Variants in PEX1 observed in about 807,000 individuals in gnomAD.
PEX1 encodes peroxisomal ATPase PEX1.
In PEX1, 97 loss-of-function variants were observed where a neutral mutation model predicts 152.5. The ratio of observed to expected loss-of-function variants is 0.64; its 90% CI spans 0.54 to 0.75. The LOEUF is 0.75. PEX1 is among the 30% of genes least tolerant of loss of function. The pLI is 0.00. For synonymous variants in PEX1, 485 were observed against 531.6 expected, an observed-to-expected ratio of 0.91 and a Z score of 1.21; for missense variants, 1,357 against 1,516.3, an observed-to-expected ratio of 0.89 and a Z score of 1.74.
At chr7:92,496,662 G>A (rs1247521263) in intron 17 of PEX1, 51 bp downstream of exon 17, 2 of 1,195,858 alleles carry the variant, frequency 1.7e-6, no homozygotes, top group Non-Finnish European at 2.5e-6. Context: ...AGCACTGATT[G>A]ATAAATAATA....
At chr7:92,527,311 A>T (rs932978161) in intron 1 of PEX1, among the ~76,000 whole-genome samples, 2 of 152,224 alleles carry the variant, frequency 1.3e-5, no homozygotes, top group African/African-American at 4.8e-5. Flanking sequence ...AAGCTGACAG[A>T]GCACTGAACC....
chr7:92,501,637 A>G lies in PEX1; in HGVS notation c.2453T>C (p.Leu818Pro). The stretch of plus-strand genomic sequence containing the variant: ...CAAAGACGCAGGAAGAAATCCGCGG[A>G]GAGCCTTTTGGAAGTCCAATGTTGT... The part of the protein sequence containing the change: ...VLTTLDFQKA[L>P]RGFLPASLRS... Residue 818 changes from leucine (L) to proline (P), a missense_variant, in exon 15 of 24, where the codon CTC becomes CCC. Leu to Pro is a moderately conservative substitution (Grantham distance 98). Coordinates refer to ENST00000248633, the MANE Select transcript of PEX1 (RefSeq NM_000466.3). The G allele has an allele frequency of 6.2e-7, 1 of 1,614,062 alleles. No individual in the cohort carries two copies. The highest frequency in any genetic ancestry group is 8.5e-7 in the Non-Finnish European group (1 of 1,179,904).
intron 15 of PEX1, among the ~76,000 whole-genome samples, chr7:92,501,215 T>C (rs62466060): frequency 6.6e-6 from 1 of 152,170 alleles, no homozygotes; most frequent in South Asian, 2.1e-4. Context: ...TTCTAGCTAC[T>C]GGGGAGGCTG....
chr7:92,499,818 G>T lies in PEX1; in HGVS notation c.2604C>A (p.Asn868Lys). ...TTCCTGTTCTTTGTCGTATGGGCAA[G>T]TTTGCAAATAATTCTGGATACTGAG... Reference protein sequence around the residue: ...LPAKYPELFANLPIRQRTGIL... With the variant: ...LPAKYPELFAKLPIRQRTGIL... The change falls in exon 16 of 24, where the codon AAC becomes AAA. Residue 868 changes from asparagine to lysine, a missense_variant. Asn to Lys is a moderately conservative substitution (Grantham distance 94). Coordinates refer to ENST00000248633, the MANE Select transcript of PEX1 (RefSeq NM_000466.3). The T allele has an allele frequency of 6.2e-7, 1 of 1,604,696 alleles. No individual in the cohort carries two copies. Among genetic ancestry groups the T allele is most frequent in the Non-Finnish European group, 8.5e-7 (1 of 1,174,256 alleles).
chr7:92,520,235 C>T (rs947047169), intron 2 of PEX1, among the ~76,000 whole-genome samples: 3 of 152,200 alleles, frequency 2.0e-5, no homozygotes, highest in Admixed American at 6.5e-5. Context: ...GAGGGCAGAA[C>T]TGTAACCTGC....
chr7:92,508,540 A>G (rs1192778796), intron 9 of PEX1, among the ~76,000 whole-genome samples: 1 of 151,730 alleles, frequency 6.6e-6, no homozygotes, highest in Non-Finnish European at 1.5e-5. Context: ...TCCATCTCAA[A>G]AAAAAAAAAA....
chr7:92,500,217 A>G (rs1351459637), intron 15 of PEX1, among the ~76,000 whole-genome samples: 1 of 152,214 alleles, frequency 6.6e-6, no homozygotes, highest in African/African-American at 2.4e-5. Context: ...ATTTAAATCT[A>G]TTCAATCAAA....
In PEX1 at chr7:92,517,779, A is replaced by C. The variant is rs756008614; in HGVS notation, c.736T>G (p.Trp246Gly). 6.3e-7 allele frequency: 1 copy of C among 1,579,646 alleles called. No individual in the cohort carries two copies. Among genetic ancestry groups the C allele is most frequent in the Non-Finnish European group, 8.6e-7 (1 of 1,165,106 alleles). The change falls in exon 5 of 24, where the codon TGG becomes GGG. Residue 246 changes from tryptophan (W) to glycine (G), a missense_variant. By Grantham distance (184) the Trp-to-Gly change is radical. Transcript: ENST00000248633. The stretch of plus-strand genomic sequence containing the variant: ...GAAAAAATGCTTCCTATCATAGTCC[A>C]TAAACTTGCTACTGATGATGAGTCA... ...PVDSSSVASL[W>G]TMIGSIFSFQ... is the part of the protein sequence containing the mutation.
chr7:92,517,398 C>G lies in PEX1; in HGVS notation c.1117G>C (p.Asp373His), dbSNP rs756895695. Residue 373 changes from aspartate to histidine, a missense_variant, in exon 5 of 24, where the codon GAT (aspartate) becomes CAT (histidine). Physicochemically the swap from Asp to His is moderately conservative, Grantham distance 81 (BLOSUM62 -1). Transcript: ENST00000248633. Reference protein sequence around the residue: ...EPLDQKKIRSDHNEEDEKACV... With the variant: ...EPLDQKKIRSHHNEEDEKACV... ...GCCTTCTCATCTTCTTCATTATGAT[C>G]TGACCTAATTTTTTTTTGATCTAGT... The G allele has an allele frequency of 2.5e-6, 4 of 1,613,886 alleles. No homozygotes were observed. The highest frequency in any genetic ancestry group is 2.5e-6 in the Non-Finnish European group (3 of 1,179,936).
chr7:92,518,364 T>C (rs955844200), intron 3 of PEX1, 109 bp from the exon 4 acceptor site: 3 of 728,504 alleles, frequency 4.1e-6, no homozygotes, highest in Non-Finnish European at 7.5e-6. Flanking sequence ...AATGTGCATA[T>C]TTAATATACA....
At chr7:92,512,302 A>G (rs946555749) in intron 6 of PEX1, among the ~76,000 whole-genome samples, 3 of 151,968 alleles carry the variant, frequency 2.0e-5, no homozygotes, top group Admixed American at 6.6e-5. Flanking sequence ...GATTACTGGC[A>G]TGAGCCACCA....
chr7:92,511,766 T>A (rs764489479), intron 6 of PEX1, 63 bp from the exon 7 acceptor site: 1 of 1,432,278 alleles, frequency 7.0e-7, no homozygotes, highest in African/African-American at 1.4e-5. Flanking sequence ...AACACCCTTA[T>A]TTTAACATCT....
In PEX1 at chr7:92,502,069, C is replaced by T; in HGVS notation, c.2237G>A (p.Cys746Tyr). ...TTTTATTACATTACACAGAATTTCACATCTTTGTTCCTAAAGAAAAAAACA... is the reference window on the plus strand; with the variant it reads ...TTTTATTACATTACACAGAATTTCATATCTTTGTTCCTAAAGAAAAAAACA... ...HIQPPNQEQR[C>Y]EILCNVIKNK... The change falls in exon 14 of 24, where the codon TGT becomes TAT. Residue 746 changes from cysteine to tyrosine, a missense_variant. Physicochemically the swap from Cys to Tyr is radical, Grantham distance 194. Transcript: ENST00000248633. 1 of 1,596,242 alleles carries T rather than the reference C, an allele frequency of 6.3e-7. No homozygotes were observed. The highest frequency in any genetic ancestry group is 1.1e-5 in the South Asian group (1 of 89,388).
intron 20 of PEX1, 132 bp from the exon 21 acceptor site, chr7:92,491,634 TTCTC>T: frequency 3.1e-6 from 2 of 650,846 alleles, no homozygotes; most frequent in Non-Finnish European, 5.4e-6. Flanking sequence ...AGCTCATTAA[TTCTC>T]TAACGGTTTT....
intron 5 of PEX1, among the ~76,000 whole-genome samples, chr7:92,515,360 G>T (rs990949960): frequency 6.6e-6 from 1 of 151,812 alleles, no homozygotes; most frequent in Non-Finnish European, 1.5e-5. Flanking sequence ...GGTAATAAAG[G>T]TTCAAGTTAA....
Position 92,522,261 on chromosome 7 carries a change from A to G in PEX1, c.130-16T>C. The G allele has an allele frequency of 6.2e-7, 1 of 1,613,166 alleles. No individual in the cohort carries two copies. The highest frequency in any genetic ancestry group is 8.5e-7 in the Non-Finnish European group (1 of 1,179,610). ...TAGCTTGATTCTATTCATATAAGAA[A>G]TGAGAGGAAAAAAGGTTTTCGTATA... On this transcript the variant is annotated splice_polypyrimidine_tract_variant and intron_variant, in intron 1 of 23. Transcript: ENST00000248633.
chr7:92,528,393 C>T lies in PEX1; in HGVS notation c.43G>A (p.Ala15Thr). 6.3e-7 allele frequency: 1 copy of T among 1,594,270 alleles called. No individual in the cohort carries two copies. The highest frequency in any genetic ancestry group is 8.5e-7 in the Non-Finnish European group (1 of 1,171,958). ...TTGGTGAAGGCCACAGTCACTGCCGCCCCGCCTCCCCCAGCACCCGCCAGG... is the reference window on the plus strand; with the variant it reads ...TTGGTGAAGGCCACAGTCACTGCCGTCCCGCCTCCCCCAGCACCCGCCAGG... ...DRLAGAGGGG[A>T]AVTVAFTNAR... The change falls in exon 1 of 24, where the codon GCG (alanine) becomes ACG (threonine). Residue 15 changes from alanine (A) to threonine (T), a missense_variant. By Grantham distance (58) the Ala-to-Thr change is moderately conservative. Transcript: ENST00000248633.
At chr7:92,492,645 ACT>A (rs1791399854) in intron 20 of PEX1, among the ~76,000 whole-genome samples, 1 of 152,014 alleles carries the variant, frequency 6.6e-6, no homozygotes, top group African/African-American at 2.4e-5. Context: ...CAAACAAAAA[ACT>A]CTAATTATTT....
intron 20 of PEX1, among the ~76,000 whole-genome samples, chr7:92,492,481 G>C (rs1562845487): frequency 6.6e-6 from 1 of 152,108 alleles, no homozygotes; most frequent in Non-Finnish European, 1.5e-5. Context: ...ATAACTTACT[G>C]TATCTGGAAG....
Sources: allele counts gnomAD v4.1 joint callset (sites outside exome capture counted in the v4.1 genomes callset), GRCh38; gene constraint gnomAD v4.1.1; transcripts MANE v1.5; gene names NCBI Gene and HGNC (gene_info 2026-07-23, HGNC 2026-07-21).